Variants in APBB1IP observed in about 807,000 individuals in gnomAD.
The protein encoded by APBB1IP is amyloid beta A4 precursor protein-binding family B member 1-interacting protein.
APBB1IP carries 27 observed loss-of-function variants against 64.9 expected under a neutral mutation model. The observed-to-expected ratio is 0.42, with a 90% CI of 0.31 to 0.57. The LOEUF is 0.57. APBB1IP is among the 20% of genes least tolerant of loss of function. The probability of loss-of-function intolerance (pLI) is 0.20; values close to 1 mark genes in which losing one functional copy is unlikely to be tolerated. For synonymous variants in APBB1IP, 392 were observed against 331.0 expected (o/e 1.18, Z -2.00); for missense variants, 812 against 845.5 (o/e 0.96, Z 0.49).
chr10:26,511,738 T>A lies in APBB1IP; in HGVS notation c.532-9T>A. The A allele has an allele frequency of 6.2e-7, 1 of 1,614,070 alleles. No homozygotes were observed. Among genetic ancestry groups the A allele is most frequent in the Non-Finnish European group, 8.5e-7 (1 of 1,179,912 alleles). ...AAATTTACTGGCTGCCCCATGGTTC[T>A]ATCCTCAGCTCGTCGTCAAGGTGCA... is the stretch of plus-strand genomic sequence containing the variant. On this transcript the variant is annotated splice_polypyrimidine_tract_variant and intron_variant, in intron 6 of 14. Transcript: ENST00000376236.
chr10:26,550,752 T>C (rs1836820590), intron 11 of APBB1IP, among the ~76,000 whole-genome samples: 1 of 152,244 alleles, frequency 6.6e-6, no homozygotes, highest in African/African-American at 2.4e-5. Flanking sequence ...GTCCATTTAG[T>C]GAGACCATGT....
At chr10:26,441,326 G>T (rs1835335776) in intron 2 of APBB1IP, among the ~76,000 whole-genome samples, 1 of 152,122 alleles carries the variant, frequency 6.6e-6, no homozygotes, top group Non-Finnish European at 1.5e-5. Context: ...GACTTTTAGA[G>T]AAAACTGCTA....
At chr10:26,524,961 T>C (rs1259919202) in intron 8 of APBB1IP, among the ~76,000 whole-genome samples, 1 of 134,578 alleles carries the variant, frequency 7.4e-6, no homozygotes, top group African/African-American at 2.7e-5. Flanking sequence ...CTTTCTTTTT[T>C]TTTTTTTTTT....
rs868053230 is a variant in APBB1IP, at chr10:26,521,748, G to A, written c.813+8088G>A. Among the ~76,000 whole-genome samples the A allele has an allele frequency of 9.9e-5, 15 of 151,950 alleles. 1 individual carries two copies. In the South Asian group the frequency reaches 3.1e-3, roughly 32 times the overall value. ...TTTTCATCACAAGTTTATTTATTAA[G>A]TATTATTATTATTATTTTTTGAGAT... On this transcript the variant is annotated intron_variant, in intron 8 of 14. Transcript: ENST00000376236.
intron 11 of APBB1IP, among the ~76,000 whole-genome samples, chr10:26,545,519 G>A (rs1036256972): frequency 6.6e-6 from 1 of 152,090 alleles, no homozygotes; most frequent in Admixed American, 6.5e-5. Context: ...CCAGCACTTT[G>A]GGAGGCCGAG....
chr10:26,491,402 T>A (rs890106084), intron 2 of APBB1IP, among the ~76,000 whole-genome samples: 1 of 152,210 alleles, frequency 6.6e-6, no homozygotes, highest in African/African-American at 2.4e-5. Flanking sequence ...ATAATGCTAG[T>A]TAAGTGGCCA....
intron 2 of APBB1IP, among the ~76,000 whole-genome samples, chr10:26,441,391 T>A (rs1835336674): frequency 6.6e-6 from 1 of 152,086 alleles, no homozygotes; most frequent in South Asian, 2.1e-4. Flanking sequence ...ACTAGCCGCA[T>A]GAAGGAATGC....
intron 11 of APBB1IP, among the ~76,000 whole-genome samples, chr10:26,542,907 G>A (rs761711719): frequency 2.7e-5 from 4 of 150,028 alleles, no homozygotes; most frequent in African/African-American, 7.4e-5. Context: ...GTCATTTGGC[G>A]AACCCTAAAA....
At chr10:26,513,727 G>A in intron 8 of APBB1IP, 67 bp downstream of exon 8, 13 of 1,501,872 alleles carry the variant, frequency 8.7e-6, no homozygotes, top group Non-Finnish European at 1.2e-5. Context: ...TTGAGACGGA[G>A]TCTCAAAGGC....
At chr10:26,457,442 A>G (rs765645477) in intron 2 of APBB1IP, among the ~76,000 whole-genome samples, 26 of 152,150 alleles carry the variant, frequency 1.7e-4, no homozygotes, top group Admixed American at 7.9e-4. Context: ...GCCTGGCCTC[A>G]CCTTTGATTT....
rs984470921 is a variant in APBB1IP, at chr10:26,492,341, T to G, written c.15T>G (p.Ser5Arg). Residue 5 changes from serine to arginine, a missense_variant, in exon 3 of 15, where the codon AGT becomes AGG. Transcript: ENST00000376236. ...TCCTTTTTCAGATGGGTGAGTCAAG[T>G]GAAGACATAGACCAAATGTTCAGCA... is the stretch of plus-strand genomic sequence containing the variant. MGES[S>R]EDIDQMFSTL... The G allele has an allele frequency of 6.2e-7, 1 of 1,613,934 alleles. No homozygotes were observed. Among genetic ancestry groups the G allele is most frequent in the Non-Finnish European group, 8.5e-7 (1 of 1,179,940 alleles).
rs556339594 is a variant in APBB1IP, at chr10:26,485,982, C to T, written c.1-6345C>T. ...TGGTGGCTCAAGCCTGTAATCCCAG[C>T]ATTTTGGGAGGTGGAGGTGCGAGGA... On this transcript the variant is annotated intron_variant, in intron 2 of 14. Transcript: ENST00000376236. Among the ~76,000 whole-genome samples the T allele has an allele frequency of 1.8e-4, 27 of 152,226 alleles. No homozygotes were observed. The South Asian group carries it at 2.3e-3, about 13-fold the overall frequency.
chr10:26,477,090 C>A lies in APBB1IP; in HGVS notation c.1-15237C>A, dbSNP rs372098958. On this transcript the variant is annotated intron_variant, in intron 2 of 14. Coordinates refer to ENST00000376236, the MANE Select transcript of APBB1IP (RefSeq NM_019043.4). ...TTCTGGGATTACAGGTGTGAACCAC[C>A]GTACCCAGCCCTACTTTTCTTCCCA... 1.9e-4 allele frequency among the ~76,000 whole-genome samples: 29 copies of A among 151,838 alleles called. No individual in the cohort carries two copies. In the East Asian group the frequency reaches 2.7e-3, roughly 14 times the overall value.
chr10:26,440,336 C>A (rs1835326712), intron 2 of APBB1IP, among the ~76,000 whole-genome samples: 1 of 152,088 alleles, frequency 6.6e-6, no homozygotes, highest in Non-Finnish European at 1.5e-5. Flanking sequence ...GAATTGGTCC[C>A]AACTGGAATA....
At chr10:26,506,721 C>T (rs1173866887) in intron 6 of APBB1IP, among the ~76,000 whole-genome samples, 5 of 152,126 alleles carry the variant, frequency 3.3e-5, no homozygotes. Context: ...TGTCTCTTTT[C>T]CCCACCAATG....
In APBB1IP at chr10:26,500,916, G is replaced by A. The variant is rs1588589192; in HGVS notation, c.258G>A (p.Gln86=). The A allele has an allele frequency of 6.2e-7, 1 of 1,614,212 alleles. No individual in the cohort carries two copies. Among genetic ancestry groups the A allele is most frequent in the East Asian group, 2.2e-5 (1 of 44,892 alleles). The part of the protein sequence containing the change: ...SEAEQRTIQA[Q]KESLQNQHHS... ...CTGAGCAGAGGACAATCCAGGCACA[G>A]AAAGAGTCCTTGCAGAATCAACATC... Residue 86 remains glutamine, a synonymous_variant, in exon 5 of 15, where the codon CAG becomes CAA. Coordinates refer to ENST00000376236, the MANE Select transcript of APBB1IP (RefSeq NM_019043.4).
intron 10 of APBB1IP, among the ~76,000 whole-genome samples, chr10:26,540,934 CTT>C (rs112339018): frequency 1.2e-4 from 17 of 140,114 alleles, no homozygotes; most frequent in Non-Finnish European, 6.3e-5. Flanking sequence ...CTGAGGGGGA[CTT>C]TTTTTTTTTT....
intron 14 of APBB1IP, among the ~76,000 whole-genome samples, chr10:26,563,520 T>C (rs895633913): frequency 4.6e-5 from 7 of 152,328 alleles, no homozygotes; most frequent in Admixed American, 3.3e-4. Context: ...ACCGAATAGA[T>C]CAGTGAAGAT....
intron 14 of APBB1IP, among the ~76,000 whole-genome samples, chr10:26,566,693 GA>G (rs1461819042): frequency 3.9e-5 from 6 of 152,126 alleles, no homozygotes; most frequent in African/African-American, 1.4e-4. Flanking sequence ...CCAGGGGGCG[GA>G]CAGAGACTCA....
Sources: allele counts gnomAD v4.1 joint callset (sites outside exome capture counted in the v4.1 genomes callset), GRCh38; gene constraint gnomAD v4.1.1; transcripts MANE v1.5; gene names NCBI Gene and HGNC (gene_info 2026-07-23, HGNC 2026-07-21).